EFCAB13: variants seen among roughly 807,000 people sequenced by gnomAD.
EFCAB13 encodes the protein EF-hand calcium-binding domain-containing protein 13.
Under a neutral mutation model 110.2 loss-of-function variants are expected in EFCAB13, and 91 were observed. That is an observed-to-expected ratio of 0.83 (90% CI 0.70 to 0.98). The LOEUF (loss-of-function observed/expected upper bound fraction) is 0.98, where lower values mean the gene tolerates loss of function less well. Ranked by LOEUF, EFCAB13 falls within the 50% of genes least tolerant of loss-of-function variation. The pLI is 0.00. For missense variants in EFCAB13, 968 were observed against 1,119.4 expected, an observed-to-expected ratio of 0.86 and a Z score of 1.93; for synonymous variants, 323 against 369.9, an observed-to-expected ratio of 0.87 and a Z score of 1.45.
intron 18 of EFCAB13, 43 bp from the exon 19 acceptor site, chr17:47,403,835 A>ACTGCTACTGCTACTGCT (rs771839786): frequency 1.8e-4 from 285 of 1,543,684 alleles, no homozygotes; most frequent in Admixed American, 2.4e-4. Context: ...GTCTTGAGTG[A>ACTGCTACTGCTACTGCT]TGGCTACTGC....
chr17:47,430,293 G>A (rs1431484875), intron 24 of EFCAB13: 3 of 928,108 alleles, frequency 3.2e-6, no homozygotes, highest in Non-Finnish European at 3.9e-6. Context: ...TTGGTTTTTG[G>A]AAGGTAAATT....
intron 24 of EFCAB13, among the ~76,000 whole-genome samples, chr17:47,434,139 A>G (rs898547620): frequency 1.3e-5 from 2 of 152,110 alleles, no homozygotes; most frequent in African/African-American, 2.4e-5. Flanking sequence ...CGATGATATG[A>G]TCATATACCC....
intron 24 of EFCAB13, among the ~76,000 whole-genome samples, chr17:47,435,713 G>C (rs1905200084): frequency 1.1e-5 from 1 of 90,390 alleles, no homozygotes; most frequent in Non-Finnish European, 2.4e-5. Flanking sequence ...GGGTTTTTGA[G>C]GTAAACAATC....
intron 15 of EFCAB13, among the ~76,000 whole-genome samples, chr17:47,392,608 A>G (rs770011086): frequency 2.6e-5 from 4 of 152,168 alleles, no homozygotes; most frequent in African/African-American, 9.7e-5. Context: ...ACAAACATAC[A>G]TGGCAACATA....
intron 14 of EFCAB13, among the ~76,000 whole-genome samples, chr17:47,387,499 C>T (rs779647019): frequency 1.3e-5 from 2 of 152,194 alleles, no homozygotes; most frequent in African/African-American, 2.4e-5. Context: ...TTGTTGTGTA[C>T]ATACATATTT....
chr17:47,329,424 T>G (rs984188023), intron 4 of EFCAB13, among the ~76,000 whole-genome samples: 1 of 152,172 alleles, frequency 6.6e-6, no homozygotes. Context: ...GTGTAAAACA[T>G]GTACCTATAC....
At chr17:47,369,831 A>T (rs2065571400) in intron 10 of EFCAB13, 1 of 152,846 alleles carries the variant, frequency 6.5e-6, no homozygotes, top group Non-Finnish European at 1.5e-5. Flanking sequence ...ATCTGAACAC[A>T]TCCTCAATCA....
intron 9 of EFCAB13, among the ~76,000 whole-genome samples, chr17:47,351,304 T>TGTGTGTGTGTGTGTGTGTGC (rs1280645583): frequency 1.6e-5 from 2 of 122,978 alleles, no homozygotes; most frequent in African/African-American, 2.6e-5. Flanking sequence ...TGTGTGTGTG[T>TGTGTGTGTGTGTGTGTGTGC]GCGCGCGCGC....
chr17:47,435,630 G>A (rs978153665), intron 24 of EFCAB13, among the ~76,000 whole-genome samples: 1 of 152,102 alleles, frequency 6.6e-6, no homozygotes, highest in Non-Finnish European at 1.5e-5. Flanking sequence ...ACTGATTTGT[G>A]TACAGTAATC....
At chr17:47,333,732 C>A (rs2065333431) in intron 4 of EFCAB13, among the ~76,000 whole-genome samples, 2 of 152,304 alleles carry the variant, frequency 1.3e-5, no homozygotes, top group South Asian at 4.1e-4. Flanking sequence ...TGTTGAAAAT[C>A]AGCTGACTGT....
At chr17:47,410,268 G>A (rs1369535635) in intron 21 of EFCAB13, among the ~76,000 whole-genome samples, 1 of 152,174 alleles carries the variant, frequency 6.6e-6, no homozygotes, top group Non-Finnish European at 1.5e-5. Context: ...GAGAGCAAGA[G>A]GAGACTGAAC....
At chr17:47,413,695 T>G (rs1221341309) in intron 22 of EFCAB13, among the ~76,000 whole-genome samples, 1 of 152,190 alleles carries the variant, frequency 6.6e-6, no homozygotes, top group Non-Finnish European at 1.5e-5. Flanking sequence ...CACACCCACA[T>G]GAGATGCATG....
intron 24 of EFCAB13, among the ~76,000 whole-genome samples, chr17:47,437,816 A>C (rs1023521351): frequency 6.6e-6 from 1 of 152,008 alleles, no homozygotes; most frequent in Non-Finnish European, 1.5e-5. Flanking sequence ...TTGTTGTCTG[A>C]GTACTTTGGT....
Position 47,440,624 on chromosome 17 carries a change from G to T in EFCAB13, c.2832G>T (p.Met944Ile). 1 of 1,611,632 alleles carries T rather than the reference G, an allele frequency of 6.2e-7. No homozygotes were observed. Among genetic ancestry groups the T allele is most frequent in the East Asian group, 2.2e-5 (1 of 44,694 alleles). Residue 944 changes from methionine to isoleucine, a missense_variant, in exon 25 of 25, where the codon ATG (methionine) becomes ATT (isoleucine). Coordinates refer to ENST00000331493, the MANE Select transcript of EFCAB13 (RefSeq NM_152347.5). ...KAQVSKKQYN[M>I]NIKQHKISLH... ...AGGTAAGTAAGAAGCAATACAATAT[G>T]AATATAAAACAACACAAGATTAGTT...
chr17:47,374,013 A>G (rs998932499), intron 11 of EFCAB13, among the ~76,000 whole-genome samples: 4 of 152,176 alleles, frequency 2.6e-5, no homozygotes, highest in Non-Finnish European at 5.9e-5. Flanking sequence ...GTTGTTTTAT[A>G]TATGAAGTTA....
At chr17:47,403,473 G>A (rs1293084395) in intron 18 of EFCAB13, among the ~76,000 whole-genome samples, 1 of 152,136 alleles carries the variant, frequency 6.6e-6, no homozygotes, top group African/African-American at 2.4e-5. Flanking sequence ...GGGTCCTGGT[G>A]GAACTGAAAA....
chr17:47,414,258 C>CGT (rs368099881), intron 22 of EFCAB13, among the ~76,000 whole-genome samples: 17 of 149,548 alleles, frequency 1.1e-4, no homozygotes, highest in Admixed American at 2.7e-4. Context: ...TGTGCACGTG[C>CGT]GTGTGTGTGT....
At chr17:47,364,290 A>G (rs570890523) in intron 10 of EFCAB13, among the ~76,000 whole-genome samples, 2 of 151,994 alleles carry the variant, frequency 1.3e-5, no homozygotes, top group East Asian at 3.9e-4. Context: ...CCTTTTTTCT[A>G]TATATAAGAT....
At chr17:47,342,818 T>G (rs1007732568) in intron 6 of EFCAB13, among the ~76,000 whole-genome samples, 24 of 151,674 alleles carry the variant, frequency 1.6e-4, no homozygotes, top group African/African-American at 4.6e-4. Context: ...TTGTCTATTC[T>G]GTCTCTCTAT....
Sources: gnomAD v4.1 joint callset for allele counts (sites outside exome capture counted in the v4.1 genomes callset) on GRCh38, gnomAD v4.1.1 for gene constraint, MANE v1.5 for transcripts, NCBI Gene and HGNC (gene_info 2026-07-23, HGNC 2026-07-21) for gene names.